BLTP1: variants seen among roughly 807,000 people sequenced by gnomAD.
The protein encoded by BLTP1 is fragile site-associated protein.
At chr4:122,330,676 C>A in the BLTP1 span, among the ~76,000 whole-genome samples, 2 of 151,778 alleles carry the variant, frequency 1.3e-5, no homozygotes, top group East Asian at 3.9e-4. Flanking sequence ...GCCTTTTCAC[C>A]CTATTGTTTC....
chr4:122,224,501 C>T, the BLTP1 span: 2 of 1,609,314 alleles, frequency 1.2e-6, no homozygotes, highest in African/African-American at 1.3e-5. Context: ...TTTTCAGCAG[C>T]GACCCCCTGT....
the BLTP1 span, chr4:122,302,315 C>T: frequency 1.1e-5 from 10 of 887,958 alleles, no homozygotes; most frequent in Non-Finnish European, 1.3e-5. Context: ...TGTTTTATTG[C>T]ACTTCGCTTT....
At chr4:122,352,098 T>G in the BLTP1 span, among the ~76,000 whole-genome samples, 2 of 152,194 alleles carry the variant, frequency 1.3e-5, no homozygotes, top group Non-Finnish European at 2.9e-5. Context: ...CTGATTCTGC[T>G]GGCCCTCTGA....
At chr4:122,289,765 T>G in the BLTP1 span, 16 of 978,608 alleles carry the variant, frequency 1.6e-5, no homozygotes, top group African/African-American at 2.6e-4. Flanking sequence ...TTAAGCCACA[T>G]CCATAAATTG....
chr4:122,332,424 T>A, the BLTP1 span, among the ~76,000 whole-genome samples: 1 of 151,986 alleles, frequency 6.6e-6, no homozygotes, highest in Non-Finnish European at 1.5e-5. Flanking sequence ...GGCAGTTTCA[T>A]TTGGTTCAAC....
At chr4:122,173,231 T>C in the BLTP1 span, 2 of 1,437,762 alleles carry the variant, frequency 1.4e-6, no homozygotes, top group Non-Finnish European at 1.9e-6. Context: ...TTGCTATAAC[T>C]GAATGCCTGA....
At chr4:122,346,781 T>A in the BLTP1 span, 54 of 1,605,298 alleles carry the variant, frequency 3.4e-5, no homozygotes, top group Non-Finnish European at 4.6e-5. Flanking sequence ...TATGTAATTT[T>A]AATTTTGGTT....
the BLTP1 span, chr4:122,205,849 T>C: frequency 2.4e-6 from 1 of 415,250 alleles, no homozygotes; most frequent in Non-Finnish European, 3.2e-6. Context: ...TATTGTGTTA[T>C]GTACTGTGAG....
the BLTP1 span, among the ~76,000 whole-genome samples, chr4:122,332,528 C>T: frequency 6.6e-6 from 1 of 151,740 alleles, no homozygotes; most frequent in Non-Finnish European, 1.5e-5. Context: ...ATCACTCATG[C>T]AAGGCATTAA....
At chr4:122,200,340 G>A in the BLTP1 span, 67,968 of 898,866 alleles carry the variant, frequency 0.076, 3,230 homozygotes, top group East Asian at 0.3. Context: ...CACTTTGGGA[G>A]GCTGAGGCAG....
chr4:122,285,771 G>A, the BLTP1 span, among the ~76,000 whole-genome samples: 1 of 152,166 alleles, frequency 6.6e-6, no homozygotes, highest in Non-Finnish European at 1.5e-5. Context: ...GATTTTGCTG[G>A]TTTGAAAGGA....
the BLTP1 span, chr4:122,356,813 T>C: frequency 1.3e-6 from 2 of 1,572,072 alleles, no homozygotes; most frequent in East Asian, 4.5e-5. Flanking sequence ...CAATGCCATT[T>C]ACATGAATTG....
chr4:122,259,589 C>T, the BLTP1 span, among the ~76,000 whole-genome samples: 42 of 152,196 alleles, frequency 2.8e-4, no homozygotes, highest in African/African-American at 7.9e-4. Context: ...TGGCCAGGCG[C>T]GGTGGTTCAT....
At chr4:122,200,365 G>GT in the BLTP1 span, 3 of 774,220 alleles carry the variant, frequency 3.9e-6, no homozygotes, top group African/African-American at 5.7e-5. Context: ...ATCACTTGAG[G>GT]TCAGGAGTTC....
the BLTP1 span, chr4:122,288,552 T>C: frequency 1.3e-5 from 2 of 152,094 alleles, no homozygotes; most frequent in Non-Finnish European, 1.5e-5. Flanking sequence ...CTCAGGAGCC[T>C]GAGGCAGGAG....
the BLTP1 span, among the ~76,000 whole-genome samples, chr4:122,320,085 A>C: frequency 3.1e-4 from 47 of 152,228 alleles, no homozygotes; most frequent in African/African-American, 1.1e-3. Context: ...CTCAAACTGT[A>C]ATAGTGGATT....
At chr4:122,166,970 G>A in the BLTP1 span, among the ~76,000 whole-genome samples, 1 of 152,062 alleles carries the variant, frequency 6.6e-6, no homozygotes, top group South Asian at 2.1e-4. Flanking sequence ...TCATTCTTTG[G>A]GTACTTCTTT....
the BLTP1 span, among the ~76,000 whole-genome samples, chr4:122,361,606 G>A: frequency 2.0e-5 from 3 of 152,120 alleles, no homozygotes; most frequent in African/African-American, 7.2e-5. Flanking sequence ...CCACGTATAA[G>A]GAAATAGCAA....
chr4:122,153,089 A>G, the BLTP1 span: 1 of 946,514 alleles, frequency 1.1e-6, no homozygotes, highest in Non-Finnish European at 1.3e-6. Flanking sequence ...ACGTTTCAGC[A>G]GAATTTCCTA....
Sources: gnomAD v4.1 joint callset for allele counts (sites outside exome capture counted in the v4.1 genomes callset) on GRCh38, gnomAD v4.1.1 for gene constraint, MANE v1.5 for transcripts, NCBI Gene and HGNC (gene_info 2026-07-23, HGNC 2026-07-21) for gene names.